KTN1: variants seen among roughly 807,000 people sequenced by gnomAD.
KTN1 encodes kinectin 1, also known as kinectin.
In KTN1, 130 loss-of-function variants were observed where a neutral mutation model predicts 222.5. That is an observed-to-expected ratio of 0.58 (90% CI 0.51 to 0.68). KTN1 has a LOEUF of 0.68. KTN1 is among the 30% of genes least tolerant of loss of function. The pLI, the probability that KTN1 is intolerant of heterozygous loss-of-function variation, is 0.00. For missense variants in KTN1, 1,508 were observed against 1,500.4 expected, an observed-to-expected ratio of 1.01 and a Z score of -0.08; for synonymous variants, 512 against 496.3, an observed-to-expected ratio of 1.03 and a Z score of -0.42.
At chr14:55,591,433 A>G (rs1048763940) in intron 1 of KTN1, among the ~76,000 whole-genome samples, 27 of 152,130 alleles carry the variant, frequency 1.8e-4, no homozygotes, top group Non-Finnish European at 3.4e-4. Context: ...TTTCTTTCCA[A>G]TATAAATGTG....
At chr14:55,625,607 C>G (rs1222356253) in intron 5 of KTN1, among the ~76,000 whole-genome samples, 1 of 152,030 alleles carries the variant, frequency 6.6e-6, no homozygotes, top group Non-Finnish European at 1.5e-5. Context: ...AATGTTAGTA[C>G]TTTTGTCATA....
intron 34 of KTN1, chr14:55,667,996 A>T (rs1294784787): frequency 1.3e-5 from 2 of 151,666 alleles, no homozygotes; most frequent in Non-Finnish European, 2.9e-5. Context: ...TCTCCATAGC[A>T]CTTATCAGTA....
rs777963301 is a variant in KTN1 at position 55,679,731 on chromosome 14, G to A, written c.4069+46G>A. ...GCTGTCTATGGGTAATTGATGTTAT[G>A]TGTCTGTGTAATGTGTATTTACATA... On this transcript the variant is annotated intron_variant, in intron 43 of 43. Coordinates refer to ENST00000395314, the MANE Select transcript of KTN1 (RefSeq NM_001079521.2). 8 of 1,581,480 alleles carry A rather than the reference G, an allele frequency of 5.1e-6. 1 individual carries two copies. In the Middle Eastern group the frequency reaches 5.0e-4, roughly 99 times the overall value.
intron 7 of KTN1, among the ~76,000 whole-genome samples, chr14:55,630,927 G>T (rs1483080583): frequency 6.6e-6 from 1 of 152,152 alleles, no homozygotes; most frequent in Non-Finnish European, 1.5e-5. Flanking sequence ...TGGTGTTAGT[G>T]TGAAGGGGAG....
rs777329548 is a variant in KTN1 at position 55,650,333 on chromosome 14, A to T, written c.2411A>T (p.His804Leu). The T allele has an allele frequency of 2.8e-5, 44 of 1,592,364 alleles. No homozygotes were observed. The highest frequency in any genetic ancestry group is 3.7e-5 in the Non-Finnish European group (43 of 1,171,498). The change falls in exon 23 of 44, where the codon CAT becomes CTT. Residue 804 changes from histidine (H) to leucine (L), a missense_variant. His to Leu is a moderately conservative substitution (Grantham distance 99, BLOSUM62 -3). Coordinates refer to ENST00000395314, the MANE Select transcript of KTN1 (RefSeq NM_001079521.2). ...ACTGCATTTCTTTATTGAAGGATCC[A>T]TGAGAAAGATGGAAAGATCAAGTCT... ...SLVEELKKVI[H>L]EKDGKIKSVE...
intron 10 of KTN1, 89 bp downstream of exon 10, chr14:55,636,625 G>T: frequency 2.2e-6 from 2 of 915,364 alleles, no homozygotes; most frequent in South Asian, 3.3e-5. Context: ...GTATAATTTG[G>T]CATTTTGGTT....
intron 32 of KTN1, 170 bp downstream of exon 32, chr14:55,661,782 A>C (rs1043526332): frequency 2.5e-6 from 1 of 407,630 alleles, no homozygotes; most frequent in Non-Finnish European, 4.4e-6. Flanking sequence ...ATTGGAGAAC[A>C]GTTTTTTTTA....
At chr14:55,622,592 A>C (rs1228417237) in intron 5 of KTN1, among the ~76,000 whole-genome samples, 1 of 152,186 alleles carries the variant, frequency 6.6e-6, no homozygotes, top group Non-Finnish European at 1.5e-5. Flanking sequence ...TTATTCTAAA[A>C]ACACACACAT....
chr14:55,627,205 C>T (rs140244375), intron 5 of KTN1, among the ~76,000 whole-genome samples: 99 of 152,242 alleles, frequency 6.5e-4, no homozygotes, highest in African/African-American at 2.3e-3. Flanking sequence ...ACTGTCTTGA[C>T]TCTGAGTTTA....
At chr14:55,672,158 G>T (rs192976465) in intron 37 of KTN1, 117 of 308,796 alleles carry the variant, frequency 3.8e-4, no homozygotes, top group African/African-American at 2.4e-3. Context: ...AAGAATACTG[G>T]GTTCAAAATC....
chr14:55,595,992 A>G (rs1249944544), intron 1 of KTN1, among the ~76,000 whole-genome samples: 3 of 152,000 alleles, frequency 2.0e-5, no homozygotes, highest in African/African-American at 7.3e-5. Context: ...GTCTCTACCA[A>G]AAATACAAAA....
chr14:55,651,904 C>T lies in KTN1; in HGVS notation c.2580C>T (p.Ser860=). The part of the protein sequence containing the change: ...LEKAQQLSIT[S]KVQELQNLLK... ...TTGTATTTCAGTTATCTATCACTTC[C>T]AAAGTTCAGGAGCTTCAGAACTTGT... The change falls in exon 25 of 44, where the codon TCC becomes TCT. Residue 860 remains serine (S), a synonymous_variant. Coordinates refer to ENST00000395314, the MANE Select transcript of KTN1 (RefSeq NM_001079521.2). The T allele has an allele frequency of 6.4e-7, 1 of 1,570,382 alleles. No individual in the cohort carries two copies. Among genetic ancestry groups the T allele is most frequent in the Non-Finnish European group, 8.7e-7 (1 of 1,147,504 alleles).
chr14:55,581,129 CTA>C (rs1300150205), intron 1 of KTN1, among the ~76,000 whole-genome samples: 1 of 152,254 alleles, frequency 6.6e-6, no homozygotes, highest in Non-Finnish European at 1.5e-5. Context: ...CGCCGGAAAA[CTA>C]CGCGGGAAGT....
chr14:55,583,546 C>T (rs1034084935), intron 1 of KTN1, among the ~76,000 whole-genome samples: 5 of 152,204 alleles, frequency 3.3e-5, no homozygotes, highest in Admixed American at 2.6e-4. Flanking sequence ...TGTTTGCACT[C>T]TTCTTCCAGG....
At chr14:55,679,377 A>G (rs1159186602) in intron 42 of KTN1, 188 bp from the exon 43 acceptor site, 4 of 479,420 alleles carry the variant, frequency 8.3e-6, no homozygotes, top group Admixed American at 4.2e-5. Flanking sequence ...TTTGGTGCCA[A>G]CTAGTTTGCA....
chr14:55,639,527 A>C (rs914104258), intron 13 of KTN1, among the ~76,000 whole-genome samples: 1 of 151,686 alleles, frequency 6.6e-6, no homozygotes, highest in South Asian at 2.1e-4. Context: ...GTGGAAGTAA[A>C]TTAGTTTTTG....
intron 20 of KTN1, 44 bp from the exon 21 acceptor site, chr14:55,648,758 T>C (rs1321730799): frequency 7.8e-7 from 1 of 1,283,686 alleles, no homozygotes; most frequent in Non-Finnish European, 1.1e-6. Context: ...AGCTATATTT[T>C]TCAGAGAGTA....
chr14:55,621,452 AAG>A (rs2039117806), intron 5 of KTN1, among the ~76,000 whole-genome samples: 1 of 152,162 alleles, frequency 6.6e-6, no homozygotes, highest in African/African-American at 2.4e-5. Flanking sequence ...TATAAAGAAA[AAG>A]GGGTTTAATG....
At chr14:55,595,079 G>A (rs1405673236) in intron 1 of KTN1, among the ~76,000 whole-genome samples, 3 of 152,248 alleles carry the variant, frequency 2.0e-5, no homozygotes, top group Non-Finnish European at 4.4e-5. Context: ...AGTTGTAGGA[G>A]CTGGAAGCTC....
Sources: gnomAD v4.1 joint callset for allele counts (sites outside exome capture counted in the v4.1 genomes callset) on GRCh38, gnomAD v4.1.1 for gene constraint, MANE v1.5 for transcripts, NCBI Gene and HGNC (gene_info 2026-07-23, HGNC 2026-07-21) for gene names.